Variants in ANK3 observed in about 807,000 individuals in gnomAD.
ANK3 encodes ankyrin 3.
A neutral mutation model predicts 370.9 loss-of-function variants in ANK3; 57 were observed. The ratio of observed to expected loss-of-function variants is 0.15; its 90% CI spans 0.12 to 0.19. The LOEUF is 0.19. ANK3 is among the 10% of genes least tolerant of loss of function. The probability of loss-of-function intolerance (pLI) is 1.00; values close to 1 mark genes in which losing one functional copy is unlikely to be tolerated. For synonymous variants in ANK3, 1,929 were observed against 1,946.3 expected, an observed-to-expected ratio of 0.99 and a Z score of 0.23; for missense variants, 4,439 against 5,302.1, an observed-to-expected ratio of 0.84 and a Z score of 5.06.
chr10:60,666,358 A>G (rs1419373970), intron 1 of ANK3, among the ~76,000 whole-genome samples: 2 of 152,220 alleles, frequency 1.3e-5, no homozygotes, highest in Non-Finnish European at 2.9e-5. Flanking sequence ...TGAAATTCAC[A>G]AAGACAGAAA....
In ANK3 at chr10:60,073,920, G is replaced by T. The variant is rs2083264769; in HGVS notation, c.6961C>A (p.Gln2321Lys). 1.2e-6 allele frequency: 2 copies of T among 1,613,906 alleles called. No homozygotes were observed. The highest frequency in any genetic ancestry group is 1.1e-5 in the South Asian group (1 of 91,068). ...ATACGCTCCAGTTTGGGTTTCATTT[G>T]GTTGTCCTTCTCTGCATGCTGGGCT... ...TSAQHAEKDN[Q>K]MKPKLERIIE... Residue 2321 changes from glutamine (Q) to lysine (K), a missense_variant, in exon 37 of 44, where the codon CAA (glutamine) becomes AAA (lysine). Gln to Lys is a moderately conservative substitution (Grantham distance 53). Transcript: ENST00000280772.
rs565850226 is a variant in ANK3, at chr10:60,611,877, T to A, written c.96+3309A>T. Among the ~76,000 whole-genome samples, 4 of 151,176 alleles carry A rather than the reference T, an allele frequency of 2.6e-5. No individual in the cohort carries two copies. In the South Asian group the frequency reaches 6.3e-4, roughly 24 times the overall value. On this transcript the variant is annotated intron_variant, in intron 2 of 43. Transcript: ENST00000373827. The stretch of plus-strand genomic sequence containing the variant: ...AGTCATATTCTATAGAGACACATTA[T>A]CAAAGCAGTGGAGAAGTGGGGCGAA...
At chr10:60,085,296 T>C (rs2086377932) in intron 30 of ANK3, 43 bp from the exon 31 acceptor site, 1 of 1,484,524 alleles carries the variant, frequency 6.7e-7, no homozygotes, top group Non-Finnish European at 9.3e-7. Context: ...TCATGGGAGA[T>C]GCTCCTTGTA....
chr10:60,111,455 A>C (rs1372826055), intron 26 of ANK3, among the ~76,000 whole-genome samples: 1 of 152,218 alleles, frequency 6.6e-6, no homozygotes, highest in Non-Finnish European at 1.5e-5. Context: ...TTGTTTTACA[A>C]ACTCATGTCT....
intron 1 of ANK3, among the ~76,000 whole-genome samples, chr10:60,365,626 G>T (rs138003286): frequency 6.6e-6 from 1 of 152,178 alleles, no homozygotes; most frequent in African/African-American, 2.4e-5. Context: ...TAAATGGAAC[G>T]AGAGAAAAAC....
intron 1 of ANK3, among the ~76,000 whole-genome samples, chr10:60,334,209 A>G (rs1201698461): frequency 2.0e-5 from 3 of 152,168 alleles, no homozygotes; most frequent in African/African-American, 7.2e-5. Flanking sequence ...ATTTTTACCA[A>G]CACTTAATAC....
intron 8 of ANK3, among the ~76,000 whole-genome samples, chr10:60,213,902 A>G: frequency 6.6e-6 from 1 of 152,112 alleles, no homozygotes; most frequent in East Asian, 1.9e-4. Context: ...CATTTCCCCT[A>G]CATAATTTTA....
At chr10:60,201,032 A>G (rs1476495625) in intron 12 of ANK3, among the ~76,000 whole-genome samples, 1 of 152,262 alleles carries the variant, frequency 6.6e-6, no homozygotes, top group Non-Finnish European at 1.5e-5. Flanking sequence ...AATGAAATAT[A>G]TTCTCTCACA....
intron 1 of ANK3, among the ~76,000 whole-genome samples, chr10:60,642,697 G>T (rs966612573): frequency 1.3e-5 from 2 of 152,040 alleles, no homozygotes; most frequent in African/African-American, 2.4e-5. Context: ...GTTAATGGGT[G>T]CAGCACACCA....
chr10:60,140,258 T>A (rs1268247994), intron 23 of ANK3: 11 of 1,326,422 alleles, frequency 8.3e-6, no homozygotes, highest in Non-Finnish European at 1.2e-5. Flanking sequence ...TACCAAGAGA[T>A]TATTTTAAGT....
chr10:60,296,983 GAAAT>G (rs760825179), intron 1 of ANK3, among the ~76,000 whole-genome samples: 4 of 152,004 alleles, frequency 2.6e-5, no homozygotes, highest in African/African-American at 9.7e-5. Context: ...TTGTCTCAAA[GAAAT>G]AAATAAATAA....
chr10:60,198,706 T>C (rs2096624960), intron 13 of ANK3, among the ~76,000 whole-genome samples, 169 bp from the exon 14 acceptor site: 2 of 152,214 alleles, frequency 1.3e-5, no homozygotes, highest in African/African-American at 4.8e-5. Context: ...AATGAGGAGA[T>C]GGTAGCTCTA....
At chr10:60,582,589 C>G (rs2077770167) in intron 2 of ANK3, among the ~76,000 whole-genome samples, 1 of 151,486 alleles carries the variant, frequency 6.6e-6, no homozygotes, top group African/African-American at 2.4e-5. Flanking sequence ...CTCAAGGTCA[C>G]TATGTGGCTC....
intron 2 of ANK3, among the ~76,000 whole-genome samples, chr10:60,517,310 A>C (rs1247280547): frequency 1.3e-5 from 2 of 151,946 alleles, no homozygotes; most frequent in African/African-American, 4.8e-5. Context: ...TGATACATGC[A>C]CCTTGGCCTC....
intron 1 of ANK3, among the ~76,000 whole-genome samples, chr10:60,723,908 G>A (rs1020239983): frequency 3.9e-5 from 6 of 151,922 alleles, no homozygotes; most frequent in Non-Finnish European, 8.8e-5. Flanking sequence ...CTCTAGCAGT[G>A]GAATAAGGTA....
At chr10:60,040,150 C>T (rs997158110) in intron 43 of ANK3, among the ~76,000 whole-genome samples, 1 of 152,082 alleles carries the variant, frequency 6.6e-6, no homozygotes, top group African/African-American at 2.4e-5. Flanking sequence ...AATAGGATGG[C>T]TATGACTCAA....
chr10:60,334,095 C>A (rs2052166204), intron 1 of ANK3, among the ~76,000 whole-genome samples: 1 of 152,122 alleles, frequency 6.6e-6, no homozygotes, highest in Admixed American at 6.5e-5. Context: ...CAGGTGATGG[C>A]AATTGGGTAA....
Position 60,696,124 on chromosome 10 carries a change from C to T in ANK3, c.57+37139G>A, listed in dbSNP as rs1469967259. Among the ~76,000 whole-genome samples the T allele has an allele frequency of 1.7e-4, 26 of 150,388 alleles. 1 individual carries two copies. In the South Asian group the frequency reaches 5.4e-3, roughly 31 times the overall value. ...TACCATCAGAGAATACTACAAACAC[C>T]TCTATGCAAATAAACTAGAAAATCT... On this transcript the variant is annotated intron_variant, in intron 1 of 43. Coordinates refer to the ANK3 transcript ENST00000373827.
At chr10:60,339,506 T>A (rs1306566427) in intron 1 of ANK3, among the ~76,000 whole-genome samples, 1 of 152,198 alleles carries the variant, frequency 6.6e-6, no homozygotes, top group Non-Finnish European at 1.5e-5. Flanking sequence ...GCAGGCTGTA[T>A]GTGTTATCAG....
Sources: allele counts gnomAD v4.1 joint callset (sites outside exome capture counted in the v4.1 genomes callset), GRCh38; gene constraint gnomAD v4.1.1; transcripts MANE v1.5; gene names NCBI Gene and HGNC (gene_info 2026-07-23, HGNC 2026-07-21).